ITGA9: variants seen among roughly 807,000 people sequenced by gnomAD.
ITGA9 encodes integrin alpha-9.
In ITGA9, 56 loss-of-function variants were observed where a neutral mutation model predicts 127.8. The observed-to-expected ratio is 0.44, with a 90% CI of 0.35 to 0.55. The LOEUF (loss-of-function observed/expected upper bound fraction) is 0.55. Among genes scored for constraint, ITGA9 ranks in the 20% least tolerant of loss-of-function variants. The pLI, the probability that ITGA9 is intolerant of heterozygous loss-of-function variation, is 0.00. For synonymous variants in ITGA9, 508 were observed against 514.5 expected, an observed-to-expected ratio of 0.99 and a Z score of 0.17; for missense variants, 1,196 against 1,347.1, an observed-to-expected ratio of 0.89 and a Z score of 1.76.
At chr3:37,582,411 A>T (rs562947996) in intron 15 of ITGA9, among the ~76,000 whole-genome samples, 1 of 152,146 alleles carries the variant, frequency 6.6e-6, no homozygotes, top group Non-Finnish European at 1.5e-5. Flanking sequence ...CCAAATAGGG[A>T]TTGACTTTTA....
At chr3:37,817,540 C>T (rs986761552) in intron 27 of ITGA9, among the ~76,000 whole-genome samples, 2 of 152,170 alleles carry the variant, frequency 1.3e-5, no homozygotes, top group Non-Finnish European at 2.9e-5. Context: ...ACTGGTAGAA[C>T]GTACACCTCA....
intron 1 of ITGA9, among the ~76,000 whole-genome samples, chr3:37,459,020 C>T (rs889869246): frequency 6.6e-6 from 1 of 152,174 alleles, no homozygotes; most frequent in South Asian, 2.1e-4. Context: ...TCCTAGGAAG[C>T]CGATGTAAGT....
At chr3:37,558,890 C>T (rs921771223) in intron 15 of ITGA9, among the ~76,000 whole-genome samples, 9 of 152,204 alleles carry the variant, frequency 5.9e-5, no homozygotes, top group African/African-American at 1.9e-4. Flanking sequence ...TCTCTGCTAA[C>T]CCTCCTCTCA....
chr3:37,577,070 G>T (rs1699660808), intron 15 of ITGA9, among the ~76,000 whole-genome samples: 1 of 152,234 alleles, frequency 6.6e-6, no homozygotes, highest in Admixed American at 6.5e-5. Context: ...CAGTCCTTGG[G>T]CTCTGTTCCT....
chr3:37,492,123 C>T (rs897365096), intron 4 of ITGA9, among the ~76,000 whole-genome samples: 1 of 151,992 alleles, frequency 6.6e-6, no homozygotes, highest in South Asian at 2.1e-4. Context: ...TCTACTCTAC[C>T]TTGAAGGGAT....
intron 1 of ITGA9, among the ~76,000 whole-genome samples, chr3:37,469,010 A>G (rs1460790824): frequency 6.6e-6 from 1 of 152,190 alleles, no homozygotes; most frequent in Non-Finnish European, 1.5e-5. Flanking sequence ...GTTGTTTGGT[A>G]TTCTTTGCTA....
At chr3:37,736,805 C>T (rs1696367874) in intron 19 of ITGA9, 99 bp from the exon 20 acceptor site, 1 of 814,736 alleles carries the variant, frequency 1.2e-6, no homozygotes, top group South Asian at 1.4e-5. Flanking sequence ...GCTTATCATG[C>T]AAATGAGCTT....
chr3:37,469,005 T>G (rs559604947), intron 1 of ITGA9, among the ~76,000 whole-genome samples: 12 of 152,332 alleles, frequency 7.9e-5, no homozygotes, highest in African/African-American at 2.9e-4. Context: ...TTAGTGTTGT[T>G]TGGTATTCTT....
intron 6 of ITGA9, among the ~76,000 whole-genome samples, chr3:37,504,772 G>T (rs1039153419): frequency 3.9e-5 from 6 of 152,100 alleles, no homozygotes; most frequent in Non-Finnish European, 8.8e-5. Flanking sequence ...ATACTCTTAG[G>T]TACTATCAGT....
intron 5 of ITGA9, among the ~76,000 whole-genome samples, chr3:37,502,968 C>T (rs1475941911): frequency 2.0e-5 from 3 of 152,196 alleles, no homozygotes; most frequent in Non-Finnish European, 2.9e-5. Context: ...TGCTCAGTCT[C>T]TTCACATCTT....
chr3:37,718,020 AGAT>A (rs1366367991), intron 18 of ITGA9, among the ~76,000 whole-genome samples: 2 of 152,192 alleles, frequency 1.3e-5, no homozygotes, highest in African/African-American at 4.8e-5. Context: ...TCATCATGTG[AGAT>A]GATAAGTGTC....
At chr3:37,745,940 C>G (rs998177597) in intron 22 of ITGA9, 2 of 152,216 alleles carry the variant, frequency 1.3e-5, no homozygotes, top group African/African-American at 4.8e-5. Context: ...GCATTCAATC[C>G]AGGGTTGAGA....
chr3:37,616,324 G>A (rs911338631), intron 15 of ITGA9, among the ~76,000 whole-genome samples: 1 of 152,220 alleles, frequency 6.6e-6, no homozygotes, highest in African/African-American at 2.4e-5. Flanking sequence ...ACTGTGGTCT[G>A]AGAGACAGCT....
At chr3:37,638,080 A>T (rs528055032) in intron 16 of ITGA9, among the ~76,000 whole-genome samples, 1 of 152,252 alleles carries the variant, frequency 6.6e-6, no homozygotes, top group African/African-American at 2.4e-5. Flanking sequence ...AAAATTATGG[A>T]GGTGAAGGAG....
At chr3:37,633,711 G>T (rs1354204690) in intron 16 of ITGA9, among the ~76,000 whole-genome samples, 1 of 152,148 alleles carries the variant, frequency 6.6e-6, no homozygotes, top group South Asian at 2.1e-4. Context: ...AGCCACTGCG[G>T]TATTAACACT....
intron 26 of ITGA9, among the ~76,000 whole-genome samples, chr3:37,793,021 C>T (rs565323056): frequency 6.6e-6 from 1 of 152,168 alleles, no homozygotes; most frequent in South Asian, 2.1e-4. Flanking sequence ...AGGAGATGAA[C>T]CACATGAAAA....
intron 8 of ITGA9, among the ~76,000 whole-genome samples, chr3:37,513,086 A>C (rs1412337272): frequency 6.6e-6 from 1 of 152,128 alleles, no homozygotes; most frequent in African/African-American, 2.4e-5. Flanking sequence ...CTATTTCCCC[A>C]TGTAACATTT....
At chr3:37,512,968 G>A (rs1698948011) in intron 8 of ITGA9, among the ~76,000 whole-genome samples, 2 of 152,162 alleles carry the variant, frequency 1.3e-5, no homozygotes, top group Non-Finnish European at 2.9e-5. Flanking sequence ...ATCTTGCTCT[G>A]TTCCCTCATC....
At chr3:37,512,046 T>TTC (rs1559524584) in intron 8 of ITGA9, among the ~76,000 whole-genome samples, 1 of 48,104 alleles carries the variant, frequency 2.1e-5, no homozygotes, top group African/African-American at 5.5e-5. Context: ...CTTTCTTTCT[T>TTC]TCTTTCTTTC....
Sources: allele counts gnomAD v4.1 joint callset (sites outside exome capture counted in the v4.1 genomes callset), GRCh38; gene constraint gnomAD v4.1.1; transcripts MANE v1.5; gene names NCBI Gene and HGNC (gene_info 2026-07-23, HGNC 2026-07-21).